Variants in FHIT observed in about 807,000 individuals in gnomAD.
FHIT encodes bis(5'-adenosyl)-triphosphatase.
A neutral mutation model predicts 17.9 loss-of-function variants in FHIT; 19 were observed. The ratio of observed to expected loss-of-function variants is 1.06; its 90% CI spans 0.74 to 1.56. The LOEUF (loss-of-function observed/expected upper bound fraction) is 1.56. Ranked by LOEUF, FHIT falls within the 40% of genes most tolerant of loss-of-function variation. The pLI is 0.00. For missense variants in FHIT, 248 were observed against 189.2 expected, an observed-to-expected ratio of 1.31 and a Z score of -1.82; for synonymous variants, 81 against 69.7, an observed-to-expected ratio of 1.16 and a Z score of -0.81.
chr3:60,226,443 G>T (rs1025476278), intron 5 of FHIT, among the ~76,000 whole-genome samples: 2 of 122,712 alleles, frequency 1.6e-5, no homozygotes, highest in Non-Finnish European at 3.2e-5. Flanking sequence ...TTGCACTCCA[G>T]CCTGGGCAAC....
chr3:60,813,385 A>C (rs1553736621), intron 4 of FHIT, among the ~76,000 whole-genome samples: 1 of 152,076 alleles, frequency 6.6e-6, no homozygotes, highest in East Asian at 1.9e-4. Flanking sequence ...TATTTAAAAT[A>C]TTTAACCATT....
chr3:59,907,901 C>A (rs1704661247), intron 8 of FHIT, among the ~76,000 whole-genome samples: 1 of 152,164 alleles, frequency 6.6e-6, no homozygotes, highest in African/African-American at 2.4e-5. Flanking sequence ...GCTTATGGCT[C>A]AATTCCATCT....
chr3:59,815,480 C>A (rs1458727335), intron 8 of FHIT, among the ~76,000 whole-genome samples: 1 of 152,076 alleles, frequency 6.6e-6, no homozygotes, highest in Non-Finnish European at 1.5e-5. Context: ...GGAATCAACC[C>A]AAATGTCTAT....
intron 8 of FHIT, among the ~76,000 whole-genome samples, chr3:59,819,245 G>T (rs1298626072): frequency 6.6e-6 from 1 of 152,182 alleles, no homozygotes; most frequent in Non-Finnish European, 1.5e-5. Context: ...AAAGCATTAT[G>T]CTCTTATGGT....
intron 5 of FHIT, among the ~76,000 whole-genome samples, chr3:60,307,125 C>G (rs149433186): frequency 6.6e-6 from 1 of 152,260 alleles, no homozygotes; most frequent in Non-Finnish European, 1.5e-5. Flanking sequence ...AACTGGGCAG[C>G]TAAATGCAGA....
chr3:60,074,963 G>A lies in FHIT; in HGVS notation c.104-60811C>T, dbSNP rs574620973. ...ATCCAAGACATGAAGCAATGAAAAC[G>A]AATGGGTGAATGTTACAGCAAACTC... On this transcript the variant is annotated intron_variant, in intron 5 of 9. Transcript: ENST00000492590. 3.3e-5 allele frequency among the ~76,000 whole-genome samples: 5 copies of A among 152,136 alleles called. No homozygotes were observed. The South Asian group carries it at 8.3e-4, about 25-fold the overall frequency.
At chr3:60,842,961 A>G (rs1303621176) in intron 3 of FHIT, among the ~76,000 whole-genome samples, 2 of 152,128 alleles carry the variant, frequency 1.3e-5, no homozygotes, top group Non-Finnish European at 2.9e-5. Flanking sequence ...GGTCAAATCT[A>G]CCAGGCATCT....
intron 5 of FHIT, among the ~76,000 whole-genome samples, chr3:60,128,767 A>T (rs1427758727): frequency 6.6e-6 from 1 of 152,284 alleles, no homozygotes; most frequent in African/African-American, 2.4e-5. Context: ...GATATAGTCC[A>T]TTCCATGTAT....
chr3:60,536,360 A>G (rs1403200), intron 5 of FHIT: 110,441 of 152,076 alleles, frequency 0.73, 40,456 homozygotes, highest in African/African-American at 0.81. Context: ...ATTTGTAAGT[A>G]TATCTATAAT....
At chr3:61,067,022 G>C (rs1025309960) in intron 2 of FHIT, among the ~76,000 whole-genome samples, 12 of 152,142 alleles carry the variant, frequency 7.9e-5, no homozygotes, top group African/African-American at 2.9e-4. Context: ...GCGTGGGCTG[G>C]GAAGCCTTCT....
chr3:60,962,853 G>A (rs1223063339), intron 3 of FHIT, among the ~76,000 whole-genome samples: 2 of 152,118 alleles, frequency 1.3e-5, no homozygotes, highest in South Asian at 4.1e-4. Context: ...GAGGATTTTT[G>A]CATCGATGTT....
At chr3:59,761,185 C>T (rs1030362723) in intron 8 of FHIT, among the ~76,000 whole-genome samples, 1 of 152,176 alleles carries the variant, frequency 6.6e-6, no homozygotes, top group Non-Finnish European at 1.5e-5. Flanking sequence ...AGCCTGACTC[C>T]CAGGGTTCAG....
At chr3:60,386,602 G>A (rs1450703214) in intron 5 of FHIT, among the ~76,000 whole-genome samples, 1 of 152,056 alleles carries the variant, frequency 6.6e-6, no homozygotes, top group East Asian at 1.9e-4. Context: ...ATGCTGGCAT[G>A]ACCTCACACT....
At position 60,507,914 on chromosome 3, in the gene FHIT, A is replaced by G. The variant is rs150769115; in HGVS notation, c.103+28946T>C. 3.7e-3 allele frequency among the ~76,000 whole-genome samples: 570 copies of G among 152,272 alleles called. 2 individuals carry two copies. Among genetic ancestry groups the G allele is most frequent in the African/African-American group, 0.013 (547 of 41,558 alleles). On this transcript the variant is annotated intron_variant, in intron 5 of 9. Transcript: ENST00000492590. ...TATATGTACAACATTTTCTTTATCC[A>G]GTCTACCACTGATGAGCATTTAGGT...
intron 8 of FHIT, among the ~76,000 whole-genome samples, chr3:59,753,448 T>G (rs915487245): frequency 6.6e-6 from 1 of 152,132 alleles, no homozygotes; most frequent in Admixed American, 6.5e-5. Context: ...TTCTCAGAAC[T>G]CTCTTCCTTA....
chr3:60,454,666 G>A (rs577226936), intron 5 of FHIT, among the ~76,000 whole-genome samples: 1 of 152,092 alleles, frequency 6.6e-6, no homozygotes, highest in South Asian at 2.1e-4. Flanking sequence ...TTATAGGTGT[G>A]AGCCACCACG....
chr3:60,728,680 T>C (rs1577126509), intron 4 of FHIT, among the ~76,000 whole-genome samples: 1 of 133,894 alleles, frequency 7.5e-6, no homozygotes, highest in African/African-American at 2.8e-5. Flanking sequence ...TTTAAATCAA[T>C]TTTGAAGTGT....
intron 3 of FHIT, among the ~76,000 whole-genome samples, chr3:60,973,870 G>A (rs887319733): frequency 2.6e-5 from 4 of 152,042 alleles, no homozygotes; most frequent in African/African-American, 9.7e-5. Flanking sequence ...TGCTCCTTGG[G>A]GAATCCAAAG....
At chr3:60,232,380 C>A (rs1328623145) in intron 5 of FHIT, among the ~76,000 whole-genome samples, 1 of 152,138 alleles carries the variant, frequency 6.6e-6, no homozygotes. Flanking sequence ...GGAGCAATTT[C>A]TTCCATTATC....
Sources: gnomAD v4.1 joint callset for allele counts (sites outside exome capture counted in the v4.1 genomes callset) on GRCh38, gnomAD v4.1.1 for gene constraint, MANE v1.5 for transcripts, NCBI Gene and HGNC (gene_info 2026-07-23, HGNC 2026-07-21) for gene names.